Variants in ERCC3 observed in about 807,000 individuals in gnomAD.
The protein encoded by ERCC3 is general transcription and DNA repair factor IIH helicase/translocase subunit XPB.
Under a neutral mutation model 94.2 loss-of-function variants are expected in ERCC3, and 66 were observed. The observed-to-expected ratio is 0.70, with a 90% CI of 0.57 to 0.86. The LOEUF is 0.86. Ranked by LOEUF, ERCC3 falls within the 40% of genes least tolerant of loss-of-function variation. The pLI, the probability that ERCC3 is intolerant of heterozygous loss-of-function variation, is 0.00. For synonymous variants in ERCC3, 349 were observed against 369.1 expected (o/e 0.95, Z 0.63); for missense variants, 829 against 987.1 (o/e 0.84, Z 2.15).
intron 10 of ERCC3, among the ~76,000 whole-genome samples, chr2:127,275,760 A>G (rs1217421859): frequency 6.6e-6 from 1 of 152,240 alleles, no homozygotes; most frequent in Non-Finnish European, 1.5e-5. Context: ...CCAAGAAAAC[A>G]GGAGAAGAAA....
chr2:127,293,426 A>G, intron 2 of ERCC3, 87 bp downstream of exon 2: 2 of 1,217,260 alleles, frequency 1.6e-6, no homozygotes, highest in Non-Finnish European at 2.4e-6. Context: ...CAGTATCCTG[A>G]ATGTCAGTTT....
intron 10 of ERCC3, among the ~76,000 whole-genome samples, chr2:127,275,541 C>T (rs1289824718): frequency 6.6e-6 from 1 of 152,132 alleles, no homozygotes. Context: ...CAAGCAGATG[C>T]TCGGGAGGCT....
rs920956833 is a variant in ERCC3, at chr2:127,264,015, G to T, written c.1946-2669C>A. ...AAGAGCCACCGTGCCCGGCTGTCTT[G>T]TTCCAGTTCTTAAAGGGAATGCTTC... On this transcript the variant is annotated intron_variant, in intron 12 of 14. Coordinates refer to ENST00000285398, the MANE Select transcript of ERCC3 (RefSeq NM_000122.2). This position sits in a 1 kb window ranked among gnomAD's most constrained non-coding sequence, Gnocchi z 4.4. 1.3e-5 allele frequency among the ~76,000 whole-genome samples: 2 copies of T among 152,106 alleles called. No homozygotes were observed. The highest frequency in any genetic ancestry group is 1.3e-4 in the Admixed American group (2 of 15,264).
chr2:127,268,976 G>A lies in ERCC3; in HGVS notation c.1945+2360C>T, dbSNP rs186138087. Among the ~76,000 whole-genome samples the A allele has an allele frequency of 2.0e-3, 308 of 150,782 alleles. 2 individuals are homozygous for A. The highest frequency in any genetic ancestry group is 7.4e-3 in the African/African-American group (298 of 40,450). On this transcript the variant is annotated intron_variant, in intron 12 of 14. Transcript: ENST00000285398. Reference sequence around the variant, plus strand: ...AAGCACTGAGATACAGTGACAGTCCGTGACAACTGAGATGGCTACTAAGTG... The same window carrying A: ...AAGCACTGAGATACAGTGACAGTCCATGACAACTGAGATGGCTACTAAGTG...
In ERCC3 at chr2:127,271,386, G is replaced by C. The variant is rs1393523547; in HGVS notation, c.1895C>G (p.Ser632Cys). Residue 632 changes from serine (S) to cysteine (C), a missense_variant, in exon 12 of 15, where the codon TCC becomes TGC. Ser to Cys is a moderately radical substitution (Grantham distance 112, BLOSUM62 -1). Coordinates refer to ENST00000285398, the MANE Select transcript of ERCC3 (RefSeq NM_000122.2). This position sits in a 1 kb window ranked among gnomAD's most constrained non-coding sequence, Gnocchi z 5.0. ...VLIQISSHGG[S>C]RRQEAQRLGR... ...TAGCCTTTGGGCTTCCTGACGCCTGGAGCCACCATGGGATGAGATCTGAAT... is the reference window on the plus strand; with the variant it reads ...TAGCCTTTGGGCTTCCTGACGCCTGCAGCCACCATGGGATGAGATCTGAAT... 2 of 1,614,010 alleles carry C rather than the reference G, an allele frequency of 1.2e-6. No homozygotes were observed. The highest frequency in any genetic ancestry group is 1.3e-5 in the African/African-American group (1 of 74,898).
chr2:127,271,226 G>C lies in ERCC3; in HGVS notation c.1945+110C>G, dbSNP rs1573939265. ...TTTGCTTTGGGATTCTCTCCCTCCA[G>C]AGTCTATTTAGCCCCAGGGCACATG... On this transcript the variant is annotated intron_variant, in intron 12 of 14. Coordinates refer to ENST00000285398, the MANE Select transcript of ERCC3 (RefSeq NM_000122.2). The surrounding 1 kb of genome is among the most constrained non-coding windows in gnomAD (Gnocchi z 5.0). The C allele has an allele frequency of 1.2e-6, 1 of 802,900 alleles. No homozygotes were observed. The highest frequency in any genetic ancestry group is 2.4e-5 in the East Asian group (1 of 41,274). 49.7% of individuals were successfully genotyped at this position (802,900 alleles called of 1,614,324 possible). A position where few individuals can be genotyped will look rare whatever the true frequency, so the allele number is the denominator to read the frequency against.
chr2:127,259,217 C>T lies in ERCC3; in HGVS notation c.2217+79G>A. ...ATCCCATGGGCCCATCCAGGCAGGA[C>T]TACATGTCTGTGTCTGTGTCTACAA... On this transcript the variant is annotated intron_variant, in intron 14 of 14. Transcript: ENST00000285398. This position sits in a 1 kb window ranked among gnomAD's most constrained non-coding sequence, Gnocchi z 4.9. The T allele has an allele frequency of 6.5e-7, 1 of 1,538,170 alleles. No individual in the cohort carries two copies. Among genetic ancestry groups the T allele is most frequent in the East Asian group, 2.3e-5 (1 of 44,416 alleles).
At chr2:127,289,936 A>G in intron 4 of ERCC3, 112 bp from the exon 5 acceptor site, 1 of 1,265,354 alleles carries the variant, frequency 7.9e-7, no homozygotes, top group East Asian at 2.3e-5. Context: ...CTCTCCCCAC[A>G]ACCCTTCGCC....
chr2:127,266,716 T>A lies in ERCC3; in HGVS notation c.1945+4620A>T, dbSNP rs1017796071. Among the ~76,000 whole-genome samples the A allele has an allele frequency of 1.2e-4, 15 of 128,180 alleles. No homozygotes were observed. In the East Asian group the frequency reaches 1.6e-3, roughly 14 times the overall value. The allele number at this position is 128,180 out of a possible 152,430, so 84.1% of individuals were successfully genotyped here. On this transcript the variant is annotated intron_variant, in intron 12 of 14. Transcript: ENST00000285398. ...CCAAACACATGATCAATTATTTTTT[T>A]TTTTTTTTTTTTTTTTTGTGACAGA...
rs1249110579 is a variant in ERCC3, at chr2:127,289,458, C to T, written c.701G>A (p.Arg234Gln). 3.1e-6 allele frequency: 5 copies of T among 1,612,930 alleles called. No homozygotes were observed. The highest frequency in any genetic ancestry group is 1.7e-5 in the Admixed American group (1 of 60,020). The part of the protein sequence containing the change: ...AESSGGPSTS[R>Q]VTDPQGKSDI... ...AGATTTACCCTGTGGATCTGTCACT[C>T]GGGAAGTGGAGGGCCCACCACTGCT... Residue 234 changes from arginine (R) to glutamine (Q), a missense_variant, in exon 6 of 15, where the codon CGA (arginine) becomes CAA (glutamine). Physicochemically the swap from Arg to Gln is conservative, Grantham distance 43 (BLOSUM62 1). Transcript: ENST00000285398.
chr2:127,266,704 CAATT>C (rs1277573084), intron 12 of ERCC3, among the ~76,000 whole-genome samples: 1 of 138,200 alleles, frequency 7.2e-6, no homozygotes, highest in Non-Finnish European at 1.5e-5. Context: ...AACACATGAT[CAATT>C]ATTTTTTTTT....
rs1684139255 is a variant in ERCC3, at chr2:127,259,888, T to C, written c.2065-440A>G. 1 of 261,192 alleles carries C rather than the reference T, an allele frequency of 3.8e-6. No individual in the cohort carries two copies. Among genetic ancestry groups the C allele is most frequent in the South Asian group, 4.7e-5 (1 of 21,198 alleles). 16.2% of individuals were successfully genotyped at this position (261,192 alleles called of 1,614,324 possible). On this transcript the variant is annotated intron_variant, in intron 13 of 14. Coordinates refer to ENST00000285398, the MANE Select transcript of ERCC3 (RefSeq NM_000122.2). The surrounding 1 kb of genome is among the most constrained non-coding windows in gnomAD (Gnocchi z 4.9). Reference sequence around the variant, plus strand: ...CCGCAACTGGGGCTTCCAGCAGGAATGAGCACGTGAAAATGAAAATGATAG... The same window carrying C: ...CCGCAACTGGGGCTTCCAGCAGGAACGAGCACGTGAAAATGAAAATGATAG...
intron 6 of ERCC3, 71 bp from the exon 7 acceptor site, chr2:127,288,935 G>A: frequency 8.3e-7 from 1 of 1,206,390 alleles, no homozygotes; most frequent in Non-Finnish European, 1.2e-6. Flanking sequence ...CTTCTAAGAG[G>A]TCCAATGGTC....
rs569744045 is a variant in ERCC3 at position 127,288,953 on chromosome 2, T to A, written c.823-89A>T. 13 of 1,099,160 alleles carry A rather than the reference T, an allele frequency of 1.2e-5. No homozygotes were observed. In the African/African-American group the frequency reaches 1.8e-4, roughly 16 times the overall value. 68.1% of individuals were successfully genotyped at this position (1,099,160 alleles called of 1,614,324 possible). A position where few individuals can be genotyped will look rare whatever the true frequency, so the allele number is the denominator to read the frequency against. ...CTAAGAGGTCCAATGGTCAAAAAAG[T>A]GGCATTCTATCTAAACTTCTACAAG... On this transcript the variant is annotated intron_variant, in intron 6 of 14. Transcript: ENST00000285398.
chr2:127,261,260 T>A lies in ERCC3; in HGVS notation c.2032A>T (p.Arg678Ter). The part of the protein sequence containing the change: ...QEMAYSTKRQ[R>*]FLVDQGYSFK... ...CTATAACCTTGATCTACCAAGAATC[T>A]CTGCCGCTTGGTTGAGTAAGCCATT... is the stretch of plus-strand genomic sequence containing the variant. Residue 678 changes from arginine to a stop codon, truncating the protein, a stop_gained, in exon 13 of 15, where the codon AGA (arginine) becomes TGA (stop). Transcript: ENST00000285398. LOFTEE classifies it high-confidence loss of function. 6.2e-7 allele frequency: 1 copy of A among 1,612,280 alleles called. No homozygotes were observed. Among genetic ancestry groups the A allele is most frequent in the South Asian group, 1.1e-5 (1 of 91,050 alleles).
At chr2:127,272,817 T>G in intron 11 of ERCC3, 48 bp downstream of exon 11, 2 of 1,125,744 alleles carry the variant, frequency 1.8e-6, no homozygotes, top group Middle Eastern at 2.0e-4. Context: ...ACCCCCCAGG[T>G]CCCCAGAGTG....
intron 7 of ERCC3, among the ~76,000 whole-genome samples, chr2:127,287,373 C>G (rs376287686): frequency 3.3e-5 from 5 of 152,086 alleles, no homozygotes; most frequent in Middle Eastern, 3.2e-3. Context: ...TGGCTCATAC[C>G]TGTAATCCCA....
chr2:127,294,114 G>T lies in ERCC3; in HGVS notation c.-33C>A, dbSNP rs768090828. ...ACAGCAGCAGAGAGAAGATGACCCC[G>T]CTCCCACAGGCCCGCCGCGGCATCC... On this transcript the variant is annotated 5_prime_UTR_variant, in exon 1 of 15. Transcript: ENST00000285398. 1.9e-6 allele frequency: 3 copies of T among 1,601,988 alleles called. No individual in the cohort carries two copies. The highest frequency in any genetic ancestry group is 1.7e-5 in the Admixed American group (1 of 59,728).
In ERCC3 at chr2:127,261,310, G is replaced by A. The variant is rs1558947043; in HGVS notation, c.1982C>T (p.Ser661Leu). 1 of 1,613,094 alleles carries A rather than the reference G, an allele frequency of 6.2e-7. No homozygotes were observed. The highest frequency in any genetic ancestry group is 8.5e-7 in the Non-Finnish European group (1 of 1,179,034). ...VAEEYNAFFY[S>L]LVSQDTQEMA... ...TTCCTGTGTGTCCTGGGATACCAGT[G>A]AGTAGAAAAAGGCATTGTACTCTTC... The change falls in exon 13 of 15, where the codon TCA becomes TTA. Residue 661 changes from serine to leucine, a missense_variant. Physicochemically the swap from Ser to Leu is moderately radical, Grantham distance 145. Transcript: ENST00000285398.
Sources: allele counts gnomAD v4.1 joint callset (sites outside exome capture counted in the v4.1 genomes callset), GRCh38; gene constraint gnomAD v4.1.1; non-coding constraint Gnocchi (gnomAD v3.1); transcripts MANE v1.5; gene names NCBI Gene and HGNC (gene_info 2026-07-23, HGNC 2026-07-21).